USP28: variants seen among roughly 807,000 people sequenced by gnomAD.
The protein encoded by USP28 is ubiquitin specific peptidase 28.
Under a neutral mutation model 145.0 loss-of-function variants are expected in USP28, and 113 were observed. That is an observed-to-expected ratio of 0.78 (90% CI 0.67 to 0.91). The LOEUF (loss-of-function observed/expected upper bound fraction) is 0.91, where lower values mean the gene tolerates loss of function less well. Among genes scored for constraint, USP28 ranks in the 40% least tolerant of loss-of-function variants. USP28 has a pLI of 0.00. For missense variants in USP28, 1,201 were observed against 1,289.6 expected (o/e 0.93, Z 1.05); for synonymous variants, 447 against 450.9 (o/e 0.99, Z 0.11).
chr11:113,867,667 G>A (rs1322753084), intron 1 of USP28, among the ~76,000 whole-genome samples: 1 of 151,960 alleles, frequency 6.6e-6, no homozygotes, highest in African/African-American at 2.4e-5. Flanking sequence ...TTTTCAAACA[G>A]TAGTACACCA....
chr11:113,848,876 G>C (rs1946155541), intron 3 of USP28, among the ~76,000 whole-genome samples: 1 of 152,162 alleles, frequency 6.6e-6, no homozygotes, highest in African/African-American at 2.4e-5. Context: ...TGATTGCGGA[G>C]CGTTTACCAG....
intron 7 of USP28, 29 bp from the exon 8 acceptor site, chr11:113,832,022 G>T: frequency 6.3e-7 from 1 of 1,579,490 alleles, no homozygotes; most frequent in Non-Finnish European, 8.7e-7. Context: ...TTGCATAAAA[G>T]TTAGATGCAA....
intron 1 of USP28, among the ~76,000 whole-genome samples, chr11:113,857,316 T>C (rs923933158): frequency 2.6e-5 from 4 of 152,332 alleles, no homozygotes; most frequent in Admixed American, 2.6e-4. Context: ...CATAAAGCAC[T>C]TGACTGTAGC....
At chr11:113,829,321 G>T in exon 10 of USP28, 1 of 1,614,104 alleles carries the variant, frequency 6.2e-7, no homozygotes, top group Non-Finnish European at 8.5e-7. Context: ...CTGGCCGAAG[G>T]TCTCATTGTT....
chr11:113,832,110 C>T lies in USP28; in HGVS notation c.760-117G>A, dbSNP rs1439887500. 5.4e-6 allele frequency: 5 copies of T among 928,038 alleles called. No homozygotes were observed. In the Admixed American group the frequency reaches 1.3e-4, roughly 24 times the overall value. The allele number at this position is 928,038 out of a possible 1,614,324, so 57.5% of individuals were successfully genotyped here. A position where few individuals can be genotyped will look rare whatever the true frequency, so the allele number is the denominator to read the frequency against. On this transcript the variant is annotated intron_variant, in intron 7 of 24. Coordinates refer to ENST00000003302, the Ensembl canonical transcript of USP28. ...CTACTATAAAAGCATTTCTTTTTTT[C>T]TTTTCTTTTTTTGTTTTGAGACAGG...
intron 24 of USP28, among the ~76,000 whole-genome samples, chr11:113,800,808 C>T (rs1345325661): frequency 1.3e-5 from 2 of 151,398 alleles, no homozygotes; most frequent in East Asian, 3.9e-4. Flanking sequence ...AAAAATTCAT[C>T]AAGGCACCCC....
intron 15 of USP28, among the ~76,000 whole-genome samples, chr11:113,813,222 C>A (rs1941259759): frequency 6.6e-6 from 1 of 152,186 alleles, no homozygotes; most frequent in Non-Finnish European, 1.5e-5. Context: ...CTGCGTTTTA[C>A]ATGGTGCATT....
At chr11:113,856,653 A>G (rs963099209) in intron 1 of USP28, among the ~76,000 whole-genome samples, 12 of 152,146 alleles carry the variant, frequency 7.9e-5, no homozygotes, top group African/African-American at 2.9e-4. Context: ...GATAGGCAAG[A>G]ATACCTATCT....
intron 24 of USP28, among the ~76,000 whole-genome samples, chr11:113,800,717 T>A (rs1035023879): frequency 6.6e-6 from 1 of 152,176 alleles, no homozygotes; most frequent in Non-Finnish European, 1.5e-5. Flanking sequence ...CTCCTTAAGA[T>A]GCTTTAAACA....
intron 3 of USP28, among the ~76,000 whole-genome samples, chr11:113,851,799 A>G (rs921792125): frequency 4.6e-5 from 7 of 151,546 alleles, no homozygotes; most frequent in Non-Finnish European, 1.0e-4. Flanking sequence ...AAAAAAAAAA[A>G]AAGTCCATCC....
chr11:113,799,676 A>C (rs1266362500), intron 24 of USP28, among the ~76,000 whole-genome samples: 2 of 152,234 alleles, frequency 1.3e-5, no homozygotes, highest in Non-Finnish European at 2.9e-5. Flanking sequence ...AATACAAGGA[A>C]GTAGATATGA....
At chr11:113,810,383 T>C (rs935523532) in intron 16 of USP28, among the ~76,000 whole-genome samples, 2 of 152,084 alleles carry the variant, frequency 1.3e-5, no homozygotes, top group African/African-American at 2.4e-5. Context: ...ACAAAAAAAG[T>C]CTATAGCAGA....
At chr11:113,868,327 T>A (rs1003461702) in intron 1 of USP28, among the ~76,000 whole-genome samples, 2 of 152,246 alleles carry the variant, frequency 1.3e-5, no homozygotes, top group Non-Finnish European at 2.9e-5. Flanking sequence ...GTTTTATCAC[T>A]TACTTGCTGT....
intron 5 of USP28, among the ~76,000 whole-genome samples, chr11:113,839,815 G>T (rs1418816238): frequency 6.6e-6 from 1 of 152,126 alleles, no homozygotes; most frequent in African/African-American, 2.4e-5. Flanking sequence ...ACATGGTCAG[G>T]AGTTGGAGAC....
chr11:113,827,262 C>T (rs760597151), exon 11 of USP28: 3 of 1,611,166 alleles, frequency 1.9e-6, no homozygotes, highest in Non-Finnish European at 2.5e-6. Context: ...GAGGAAATTC[C>T]AGCTTATTGT....
intron 23 of USP28, among the ~76,000 whole-genome samples, chr11:113,802,486 C>A (rs532357574): frequency 6.6e-6 from 1 of 152,284 alleles, no homozygotes. Context: ...AAAACACACA[C>A]AAGCCCACAC....
chr11:113,852,662 C>T (rs758145117), intron 2 of USP28, 29 bp from the exon 3 acceptor site: 7 of 1,609,916 alleles, frequency 4.3e-6, no homozygotes, highest in Non-Finnish European at 5.9e-6. Flanking sequence ...ATAGAAATTT[C>T]AAAAGTAATC....
intron 16 of USP28, 142 bp from the exon 17 acceptor site, chr11:113,809,396 G>T: frequency 1.2e-6 from 1 of 815,762 alleles, no homozygotes; most frequent in Non-Finnish European, 1.9e-6. Flanking sequence ...AATGCAGGCT[G>T]AGTATCTCTT....
At chr11:113,819,898 T>C (rs1439889301) in intron 12 of USP28, among the ~76,000 whole-genome samples, 1 of 152,170 alleles carries the variant, frequency 6.6e-6, no homozygotes, top group African/African-American at 2.4e-5. Flanking sequence ...TCTGTATTTT[T>C]AGTAGAGACG....
Sources: gnomAD v4.1 joint callset for allele counts (sites outside exome capture counted in the v4.1 genomes callset) on GRCh38, gnomAD v4.1.1 for gene constraint, MANE v1.5 for transcripts, NCBI Gene and HGNC (gene_info 2026-07-23, HGNC 2026-07-21) for gene names.